TRAK1: variants seen among roughly 807,000 people sequenced by gnomAD.
The protein encoded by TRAK1 is trafficking kinesin protein 1.
In TRAK1, 33 loss-of-function variants were observed where a neutral mutation model predicts 92.1. The observed-to-expected ratio is 0.36, with a 90% CI of 0.27 to 0.48. The LOEUF is 0.48. TRAK1 is among the 20% of genes least tolerant of loss of function. TRAK1 has a pLI of 0.99. For missense variants in TRAK1, 1,123 were observed against 1,257.9 expected (o/e 0.89, Z 1.62); for synonymous variants, 521 against 517.3 (o/e 1.01, Z -0.10).
intron 15 of TRAK1, among the ~76,000 whole-genome samples, 194 bp downstream of exon 15, chr3:42,219,790 T>TG (rs1710145697): frequency 2.8e-5 from 3 of 106,098 alleles, no homozygotes; most frequent in African/African-American, 6.3e-5. Context: ...TTATGTGTTT[T>TG]TTTTTTTTTT....
intron 2 of TRAK1, among the ~76,000 whole-genome samples, chr3:42,162,495 G>T (rs1701382619): frequency 6.6e-6 from 1 of 152,204 alleles, no homozygotes; most frequent in African/African-American, 2.4e-5. Context: ...GACGGCTTGA[G>T]ACACCATAGA....
chr3:42,160,337 T>C, intron 2 of TRAK1: 2 of 1,613,468 alleles, frequency 1.2e-6, no homozygotes, highest in Non-Finnish European at 8.5e-7. Context: ...TAGGGTGATG[T>C]TTTGGCTTTG....
At chr3:42,213,763 T>C (rs1709355182) in intron 14 of TRAK1, among the ~76,000 whole-genome samples, 1 of 152,218 alleles carries the variant, frequency 6.6e-6, no homozygotes, top group African/African-American at 2.4e-5. Flanking sequence ...GTATGCTCGA[T>C]TCACAGACCC....
chr3:42,115,406 GCCTC>G (rs1709043993), intron 1 of TRAK1, among the ~76,000 whole-genome samples: 1 of 152,060 alleles, frequency 6.6e-6, no homozygotes, highest in South Asian at 2.1e-4. Flanking sequence ...TTGCCCTTTA[GCCTC>G]ACGTCGGACA....
intron 2 of TRAK1, among the ~76,000 whole-genome samples, chr3:42,150,478 A>G (rs1305826820): frequency 6.6e-6 from 1 of 152,166 alleles, no homozygotes; most frequent in Admixed American, 6.5e-5. Context: ...AAGGGGCCCA[A>G]TTAATATATA....
chr3:42,166,469 G>C (rs953006037), intron 2 of TRAK1, among the ~76,000 whole-genome samples: 7 of 152,322 alleles, frequency 4.6e-5, no homozygotes, highest in African/African-American at 1.7e-4. Flanking sequence ...TAGCAAACCT[G>C]CTCCAAGTCC....
At chr3:42,083,883 TAA>T (rs1559745359), upstream of TRAK1, among the ~76,000 whole-genome samples, 2 of 149,250 alleles carry the variant, frequency 1.3e-5, no homozygotes, top group East Asian at 5.1e-4. Context: ...AAAAAATAAA[TAA>T]ATAAAATAAA....
At chr3:42,184,861 C>G (rs1704553586) in intron 4 of TRAK1, 60 bp downstream of exon 4, 1 of 1,513,960 alleles carries the variant, frequency 6.6e-7, no homozygotes, top group Non-Finnish European at 9.1e-7. Flanking sequence ...GAGCTGGAGG[C>G]ATGGCTGAAG....
rs1054954407 is a variant in TRAK1 at position 42,185,973 on chromosome 3, C to CTTTT, written c.480+1196_480+1199dup. Among the ~76,000 whole-genome samples the CTTTT allele has an allele frequency of 3.2e-4, 27 of 83,976 alleles. 1 individual carries two copies. The highest frequency in any genetic ancestry group is 1.0e-3 in the East Asian group (3 of 2,972). 55.1% of individuals were successfully genotyped at this position (83,976 alleles called of 152,430 possible). A position where few individuals can be genotyped will look rare whatever the true frequency, so the allele number is the denominator to read the frequency against. ...ACAGGCATGAGCCACTGTGCCCAGC[C>CTTTT]TTTTTTTTTTTTTTTTTTTTTTTTT... On this transcript the variant is annotated intron_variant, in intron 4 of 15. Coordinates refer to ENST00000327628, the MANE Select transcript of TRAK1 (RefSeq NM_001042646.3).
chr3:42,213,303 C>T (rs919645409), intron 14 of TRAK1, among the ~76,000 whole-genome samples: 2 of 152,114 alleles, frequency 1.3e-5, no homozygotes, highest in African/African-American at 4.8e-5. Flanking sequence ...GTGATCTGAC[C>T]GCCTCGACCT....
chr3:42,183,153 T>C (rs980076022), intron 3 of TRAK1, among the ~76,000 whole-genome samples: 18 of 152,254 alleles, frequency 1.2e-4, no homozygotes, highest in African/African-American at 4.1e-4. Context: ...TAATGCACTT[T>C]GGTGTTTTCA....
intron 1 of TRAK1, among the ~76,000 whole-genome samples, chr3:42,022,161 G>T (rs1701745098): frequency 6.6e-6 from 1 of 152,138 alleles, no homozygotes; most frequent in Non-Finnish European, 1.5e-5. Flanking sequence ...AGGAGAAAGG[G>T]TTAATTTTTC....
intron 12 of TRAK1, among the ~76,000 whole-genome samples, chr3:42,201,853 TGGAC>T (rs10531282): frequency 0.63 from 80,756 of 127,558 alleles, 24,530 homozygotes; most frequent in East Asian, 0.94. Flanking sequence ...CTGCAGAACC[TGGAC>T]GGACGGACGG....
intron 2 of TRAK1, among the ~76,000 whole-genome samples, chr3:42,167,170 G>A (rs1701979681): frequency 6.6e-6 from 1 of 152,166 alleles, no homozygotes; most frequent in Non-Finnish European, 1.5e-5. Context: ...GACTCACCAG[G>A]ACTCATGCTC....
At chr3:42,120,439 A>T (rs529321639) in intron 1 of TRAK1, among the ~76,000 whole-genome samples, 1 of 152,020 alleles carries the variant, frequency 6.6e-6, no homozygotes, top group East Asian at 1.9e-4. Context: ...GGCAGTGTCC[A>T]TTCACAGCAG....
At chr3:42,054,555 T>C (rs572463042) in intron 1 of TRAK1, among the ~76,000 whole-genome samples, 3 of 152,322 alleles carry the variant, frequency 2.0e-5, no homozygotes, top group African/African-American at 7.2e-5. Context: ...CATTTCTACC[T>C]AGCCTGGTGC....
chr3:42,210,932 C>G (rs914011428), intron 14 of TRAK1: 58 of 985,316 alleles, frequency 5.9e-5, no homozygotes, highest in Non-Finnish European at 2.7e-5. Flanking sequence ...AAGCTTTGTG[C>G]TCAGAGCTCT....
Position 42,184,671 on chromosome 3 carries a change from CTT to C in TRAK1, c.364-12_364-11del. The C allele has an allele frequency of 6.2e-7, 1 of 1,613,116 alleles. No individual in the cohort carries two copies. The highest frequency in any genetic ancestry group is 8.5e-7 in the Non-Finnish European group (1 of 1,179,322). ...GGTCTTTTGAATCTCTGTTCTCCCT[CTT>C]TCCTTTTGTAGAAAGAGCGGGATTT... On this transcript the variant is annotated splice_polypyrimidine_tract_variant and intron_variant, in intron 3 of 15. Transcript: ENST00000327628.
chr3:42,185,002 C>T (rs1330935265), intron 4 of TRAK1: 1 of 550,370 alleles, frequency 1.8e-6, no homozygotes, highest in African/African-American at 1.9e-5. Flanking sequence ...CCTGCTGCTG[C>T]TTGTGTCTCT....
Sources: gnomAD v4.1 joint callset for allele counts (sites outside exome capture counted in the v4.1 genomes callset) on GRCh38, gnomAD v4.1.1 for gene constraint, MANE v1.5 for transcripts, NCBI Gene and HGNC (gene_info 2026-07-23, HGNC 2026-07-21) for gene names.